TMEM132D: variants seen among roughly 807,000 people sequenced by gnomAD.
The protein encoded by TMEM132D is transmembrane protein 132D, also known as mature OL transmembrane protein.
Under a neutral mutation model 62.3 loss-of-function variants are expected in TMEM132D, and 21 were observed. The observed-to-expected ratio is 0.34, with a 90% CI of 0.24 to 0.49. The LOEUF is 0.49. Ranked by LOEUF, TMEM132D falls within the 20% of genes least tolerant of loss-of-function variation. The pLI, the probability that TMEM132D is intolerant of heterozygous loss-of-function variation, is 0.99. For missense variants in TMEM132D, 1,346 were observed against 1,402.8 expected, an observed-to-expected ratio of 0.96 and a Z score of 0.65; for synonymous variants, 621 against 575.6, an observed-to-expected ratio of 1.08 and a Z score of -1.13.
At position 129,411,817 on chromosome 12, in the gene TMEM132D, A is replaced by G. The variant is rs931240363; in HGVS notation, c.1116-74000T>C. On this transcript the variant is annotated intron_variant, in intron 3 of 8. Coordinates refer to ENST00000422113, the MANE Select transcript of TMEM132D (RefSeq NM_133448.3). ...CATCGGCAGTCCGTCTTCCACAAAT[A>G]TTTCGAGATCACTTCTTCCCTAATG... is the stretch of plus-strand genomic sequence containing the variant. 4.9e-4 allele frequency among the ~76,000 whole-genome samples: 74 copies of G among 152,188 alleles called. 1 individual carries two copies. The highest frequency in any genetic ancestry group is 4.4e-3 in the Admixed American group (67 of 15,306).
chr12:129,173,685 C>A (rs1180995774), intron 5 of TMEM132D, among the ~76,000 whole-genome samples: 1 of 152,142 alleles, frequency 6.6e-6, no homozygotes, highest in East Asian at 1.9e-4. Flanking sequence ...TCGATAATAC[C>A]ATTTTTGTAG....
At chr12:129,558,576 A>G (rs1877126078) in intron 2 of TMEM132D, among the ~76,000 whole-genome samples, 1 of 152,122 alleles carries the variant, frequency 6.6e-6, no homozygotes. Context: ...CTTTCTGTCT[A>G]CCTTCCAAAA....
chr12:129,777,163 C>T (rs1322456378), intron 1 of TMEM132D, among the ~76,000 whole-genome samples: 2 of 152,088 alleles, frequency 1.3e-5, no homozygotes, highest in Admixed American at 1.3e-4. Flanking sequence ...ATTTATTTAA[C>T]CAGGAATAGG....
At chr12:129,400,338 A>T (rs1227249688) in intron 3 of TMEM132D, among the ~76,000 whole-genome samples, 2 of 152,186 alleles carry the variant, frequency 1.3e-5, no homozygotes, top group Admixed American at 1.3e-4. Context: ...GTAGCCTGCC[A>T]GTGGGTTTAC....
At chr12:129,439,700 C>T (rs949105485) in intron 3 of TMEM132D, among the ~76,000 whole-genome samples, 7 of 152,192 alleles carry the variant, frequency 4.6e-5, no homozygotes, top group African/African-American at 7.2e-5. Context: ...CCACCTGCCT[C>T]GGCCTCCCAA....
intron 3 of TMEM132D, among the ~76,000 whole-genome samples, chr12:129,440,450 C>T (rs941376101): frequency 6.6e-6 from 1 of 152,100 alleles, no homozygotes; most frequent in African/African-American, 2.4e-5. Flanking sequence ...GAAGTCAGAA[C>T]TCAGACAGGA....
intron 1 of TMEM132D, among the ~76,000 whole-genome samples, chr12:129,766,060 G>A (rs1870543117): frequency 6.6e-6 from 1 of 152,036 alleles, no homozygotes; most frequent in African/African-American, 2.4e-5. Flanking sequence ...GATTCTGGGT[G>A]GAAAGTTAAA....
chr12:129,343,761 C>CAAAAAAAACAAAAAAAAAAAA (rs1869590257), intron 3 of TMEM132D, among the ~76,000 whole-genome samples: 1 of 133,224 alleles, frequency 7.5e-6, no homozygotes, highest in Non-Finnish European at 1.6e-5. Flanking sequence ...ACAAAAAAAA[C>CAAAAAAAACAAAAAAAAAAAA]AAAAAAAAAC....
intron 2 of TMEM132D, among the ~76,000 whole-genome samples, chr12:129,555,544 CAGA>C (rs1426677184): frequency 5.3e-5 from 8 of 152,146 alleles, no homozygotes; most frequent in Admixed American, 1.3e-4. Flanking sequence ...CGAAAGTCAT[CAGA>C]AGAAGAAAAA....
At chr12:129,376,329 G>A (rs1870778990) in intron 3 of TMEM132D, among the ~76,000 whole-genome samples, 1 of 152,166 alleles carries the variant, frequency 6.6e-6, no homozygotes, top group Non-Finnish European at 1.5e-5. Flanking sequence ...GGCAGAAGGG[G>A]AAGCAAACAC....
At chr12:129,511,481 T>C (rs1465844164) in intron 3 of TMEM132D, among the ~76,000 whole-genome samples, 1 of 152,222 alleles carries the variant, frequency 6.6e-6, no homozygotes, top group East Asian at 1.9e-4. Flanking sequence ...AATGTGCAAG[T>C]ATAAGGCTTT....
chr12:129,143,889 G>A (rs61944816), intron 5 of TMEM132D, among the ~76,000 whole-genome samples: 63,168 of 151,904 alleles, frequency 0.42, 13,590 homozygotes, highest in Non-Finnish European at 0.45. Context: ...GCCCTTCAGA[G>A]TGAGGTGAGC....
chr12:129,178,868 G>T (rs1410431947), intron 5 of TMEM132D, among the ~76,000 whole-genome samples: 1 of 152,164 alleles, frequency 6.6e-6, no homozygotes, highest in African/African-American at 2.4e-5. Flanking sequence ...GGCTGCTGTG[G>T]GTCAAAGGAA....
At chr12:129,852,490 G>A (rs1873576844) in intron 1 of TMEM132D, 1 of 152,132 alleles carries the variant, frequency 6.6e-6, no homozygotes, top group African/African-American at 2.4e-5. Flanking sequence ...GCTGAAGTGA[G>A]CTGAGATCGC....
chr12:129,208,435 C>T (rs1878921220), intron 5 of TMEM132D, among the ~76,000 whole-genome samples: 1 of 152,180 alleles, frequency 6.6e-6, no homozygotes, highest in Non-Finnish European at 1.5e-5. Context: ...ACATCTCTGC[C>T]TTCTCTCTGA....
chr12:129,743,261 C>T (rs1468851518), intron 1 of TMEM132D, among the ~76,000 whole-genome samples: 1 of 152,214 alleles, frequency 6.6e-6, no homozygotes, highest in African/African-American at 2.4e-5. Context: ...TCTCCATCCA[C>T]TTTTCATCTT....
intron 1 of TMEM132D, among the ~76,000 whole-genome samples, chr12:129,819,821 T>A (rs1872494972): frequency 6.6e-6 from 1 of 152,138 alleles, no homozygotes. Flanking sequence ...TTTCCTCCTA[T>A]TCTAGGCAGG....
intron 2 of TMEM132D, among the ~76,000 whole-genome samples, chr12:129,687,780 C>G (rs1020209499): frequency 2.0e-5 from 3 of 152,122 alleles, no homozygotes; most frequent in African/African-American, 7.2e-5. Flanking sequence ...ATCTTCTTCC[C>G]AGCCTTTCTA....
chr12:129,694,440 A>G (rs1262886892), intron 2 of TMEM132D, among the ~76,000 whole-genome samples: 3 of 152,234 alleles, frequency 2.0e-5, no homozygotes, highest in South Asian at 2.1e-4. Context: ...CAAAATAAAT[A>G]TGGCCTGAGA....
Sources: allele counts gnomAD v4.1 joint callset (sites outside exome capture counted in the v4.1 genomes callset), GRCh38; gene constraint gnomAD v4.1.1; transcripts MANE v1.5; gene names NCBI Gene and HGNC (gene_info 2026-07-23, HGNC 2026-07-21).